The following GRIK5 variants were observed in gnomAD, a reference collection of about 807,000 sequenced individuals.
GRIK5 encodes the protein glutamate ionotropic receptor kainate type subunit 5, also known as glutamate receptor ionotropic, kainate 5.
A neutral mutation model predicts 97.4 loss-of-function variants in GRIK5; 43 were observed. The observed-to-expected ratio is 0.44, with a 90% CI of 0.35 to 0.57. The LOEUF (loss-of-function observed/expected upper bound fraction) is 0.57, where lower values mean the gene tolerates loss of function less well. Ranked by LOEUF, GRIK5 falls within the 20% of genes least tolerant of loss-of-function variation. The probability of loss-of-function intolerance (pLI) is 0.01; values close to 1 mark genes in which losing one functional copy is unlikely to be tolerated. For missense variants in GRIK5, 1,015 were observed against 1,382.0 expected (o/e 0.73, Z 4.21); for synonymous variants, 580 against 583.5 (o/e 0.99, Z 0.09).
chr19:42,027,658 C>CA (rs1599781026), intron 12 of GRIK5, among the ~76,000 whole-genome samples: 2 of 152,048 alleles, frequency 1.3e-5, no homozygotes, highest in Admixed American at 1.3e-4. Flanking sequence ...GTGCTGGGGG[C>CA]AGGACTGAGT....
intron 17 of GRIK5, among the ~76,000 whole-genome samples, chr19:42,004,427 A>G (rs577922262): frequency 6.6e-6 from 1 of 152,194 alleles, no homozygotes; most frequent in East Asian, 1.9e-4. Context: ...CTTCCCGACC[A>G]ACTACCACAG....
intron 11 of GRIK5, among the ~76,000 whole-genome samples, chr19:42,051,766 G>A (rs1344821929): frequency 6.6e-6 from 1 of 152,170 alleles, no homozygotes; most frequent in Non-Finnish European, 1.5e-5. Context: ...GGCTTGTCTG[G>A]CTGTGTACAC....
intron 5 of GRIK5, 119 bp from the exon 6 acceptor site, chr19:42,059,646 T>A: frequency 1.3e-6 from 1 of 793,164 alleles, no homozygotes. Context: ...TGCAAGGACA[T>A]GGGGCAGCTG....
At position 42,003,612 on chromosome 19, in the gene GRIK5, T is replaced by G. The variant is rs1555871661; in HGVS notation, c.2335A>C (p.Lys779Gln). 3.1e-6 allele frequency: 5 copies of G among 1,613,594 alleles called. No individual in the cohort carries two copies. The Admixed American group carries it at 8.3e-5, about 27-fold the overall frequency. The change falls in exon 18 of 20, where the codon AAG becomes CAG. Residue 779 changes from lysine (K) to glutamine (Q), a missense_variant. By Grantham distance (53) the Lys-to-Gln change is moderately conservative. Coordinates refer to ENST00000593562, the MANE Select transcript of GRIK5 (RefSeq NM_002088.5). The surrounding 1 kb of genome is among the most constrained non-coding windows in gnomAD (Gnocchi z 4.2). ...CGGCCCCCCTCCCACCACTTGCGCT[T>G]CAGGATCTCCAGCCGGTTGTTCTCC... is the stretch of plus-strand genomic sequence containing the variant. ...LQENNRLEIL[K>Q]RKWWEGGRCP...
chr19:42,059,572 C>G, intron 5 of GRIK5, 45 bp from the exon 6 acceptor site: 1 of 1,540,088 alleles, frequency 6.5e-7, no homozygotes, highest in Middle Eastern at 1.9e-4. Flanking sequence ...TCTGGGTACC[C>G]AGGCATGGCG....
intron 12 of GRIK5, among the ~76,000 whole-genome samples, chr19:42,038,843 A>C (rs1487844875): frequency 3.9e-5 from 6 of 152,218 alleles, no homozygotes; most frequent in African/African-American, 9.6e-5. Flanking sequence ...ATTCCTGTGC[A>C]GCTCGGCACA....
rs1340417046 is a variant in GRIK5, at chr19:42,062,071, T to C, written c.508+417A>G. ...CCTTCAGGTTCAGCTTGGATGTCTC[T>C]TTCTCATAGACACAGGCTCTGAACC... On this transcript the variant is annotated intron_variant, in intron 5 of 19. Transcript: ENST00000593562. This position sits in a 1 kb window ranked among gnomAD's most constrained non-coding sequence, Gnocchi z 5.3. 6.6e-6 allele frequency among the ~76,000 whole-genome samples: 1 copy of C among 152,128 alleles called. No homozygotes were observed. Among genetic ancestry groups the C allele is most frequent in the Non-Finnish European group, 1.5e-5 (1 of 68,018 alleles).
intron 12 of GRIK5, among the ~76,000 whole-genome samples, chr19:42,033,258 C>T (rs934329538): frequency 1.4e-5 from 2 of 138,470 alleles, no homozygotes; most frequent in Admixed American, 1.7e-4. Flanking sequence ...GTGGAGGCTG[C>T]AGTGAACCGA....
At chr19:42,034,921 C>G (rs2075883755) in intron 12 of GRIK5, among the ~76,000 whole-genome samples, 1 of 152,144 alleles carries the variant, frequency 6.6e-6, no homozygotes, top group African/African-American at 2.4e-5. Context: ...CCCTAGTGGC[C>G]AGGATGCAGT....
chr19:42,024,153 A>AG (rs2075738584), intron 12 of GRIK5, among the ~76,000 whole-genome samples: 3 of 151,490 alleles, frequency 2.0e-5, no homozygotes, highest in African/African-American at 7.3e-5. Flanking sequence ...CCCTCCCCAA[A>AG]GCAGCCTCCA....
At chr19:42,049,263 C>A (rs1281454697) in intron 11 of GRIK5, among the ~76,000 whole-genome samples, 1 of 152,094 alleles carries the variant, frequency 6.6e-6, no homozygotes, top group African/African-American at 2.4e-5. Flanking sequence ...TTTTACAATA[C>A]GTGATAAAGC....
chr19:42,040,981 C>T (rs937018175), intron 12 of GRIK5, among the ~76,000 whole-genome samples: 2 of 152,154 alleles, frequency 1.3e-5, no homozygotes, highest in African/African-American at 4.8e-5. Context: ...TATGGGGCAG[C>T]GCCTTGGGAC....
chr19:42,027,251 C>G (rs1016270413), intron 12 of GRIK5, among the ~76,000 whole-genome samples: 1 of 152,168 alleles, frequency 6.6e-6, no homozygotes, highest in Non-Finnish European at 1.5e-5. Context: ...GAGAGAGACT[C>G]GAGGGAGATG....
chr19:42,034,564 C>T (rs1313921281), intron 12 of GRIK5, among the ~76,000 whole-genome samples: 3 of 152,062 alleles, frequency 2.0e-5, no homozygotes, highest in African/African-American at 7.2e-5. Flanking sequence ...TCCATCCTTT[C>T]ACTTGGCAAT....
chr19:42,026,586 T>C (rs1435524351), intron 12 of GRIK5, among the ~76,000 whole-genome samples: 2 of 149,538 alleles, frequency 1.3e-5, no homozygotes, highest in African/African-American at 4.9e-5. Context: ...TCATTATTTT[T>C]GGAGACGGAG....
chr19:42,036,455 T>G (rs1205376286), intron 12 of GRIK5, among the ~76,000 whole-genome samples: 1 of 151,958 alleles, frequency 6.6e-6, no homozygotes, highest in African/African-American at 2.4e-5. Context: ...CAGACTCAGG[T>G]GATCCTCCCA....
At position 42,065,301 on chromosome 19, in the gene GRIK5, C is replaced by G. The variant is rs761680860; in HGVS notation, c.166G>C (p.Glu56Gln). ...LAREQINGII[E>Q]VPAKARVEVD... The stretch of plus-strand genomic sequence containing the variant: ...TCCACTCGGGCCTTGGCTGGGACCT[C>G]GATGATCCCGTTGATCTGCTCCCGG... Residue 56 changes from glutamate (E) to glutamine (Q), a missense_variant, in exon 3 of 20, where the codon GAG becomes CAG. By Grantham distance (29) the Glu-to-Gln change is conservative (BLOSUM62 2). This residue lies in a region of GRIK5 where 198 missense variants were observed against 218.2 expected (regional missense o/e 0.91). Coordinates refer to ENST00000593562, the MANE Select transcript of GRIK5 (RefSeq NM_002088.5). This position sits in a 1 kb window ranked among gnomAD's most constrained non-coding sequence, Gnocchi z 5.8. The G allele has an allele frequency of 6.2e-7, 1 of 1,613,044 alleles. No individual in the cohort carries two copies.
rs746359470 is a variant in GRIK5, at chr19:42,053,590, AG to A, written c.1269+11del. ...CAGCGCCACTCCCAGGCCCCCATCTAGGGCCACTCACCAGGATGGTTGTGAC... is the reference window on the plus strand; with the variant it reads ...CAGCGCCACTCCCAGGCCCCCATCTAGGCCACTCACCAGGATGGTTGTGAC... On this transcript the variant is annotated intron_variant, in intron 11 of 19. Coordinates refer to ENST00000593562, the MANE Select transcript of GRIK5 (RefSeq NM_002088.5). 2.0e-6 allele frequency: 3 copies of A among 1,495,418 alleles called. No homozygotes were observed. In the African/African-American group the frequency reaches 4.1e-5, roughly 21 times the overall value. The allele number at this position is 1,495,418 out of a possible 1,614,324, so 92.6% of individuals were successfully genotyped here.
chr19:42,066,842 C>G (rs777616642), intron 1 of GRIK5, among the ~76,000 whole-genome samples: 7 of 152,012 alleles, frequency 4.6e-5, no homozygotes, highest in Non-Finnish European at 8.8e-5. Flanking sequence ...GGAACCGACT[C>G]GGATACAAGC....
Sources: allele counts gnomAD v4.1 joint callset (sites outside exome capture counted in the v4.1 genomes callset), GRCh38; gene constraint gnomAD v4.1.1; regional missense constraint gnomAD v4.1.1; non-coding constraint Gnocchi (gnomAD v3.1); transcripts MANE v1.5; gene names NCBI Gene and HGNC (gene_info 2026-07-23, HGNC 2026-07-21).